The following RBFOX3 variants were observed in gnomAD, a reference collection of about 807,000 sequenced individuals.
RBFOX3 encodes the protein RNA binding protein fox-1 homolog 3.
In RBFOX3, 17 loss-of-function variants were observed where a neutral mutation model predicts 48.7. The ratio of observed to expected loss-of-function variants is 0.35; its 90% CI spans 0.24 to 0.52. RBFOX3 has a LOEUF of 0.52. Among genes scored for constraint, RBFOX3 ranks in the 20% least tolerant of loss-of-function variants. The pLI is 0.94. For synonymous variants in RBFOX3, 212 were observed against 209.5 expected, an observed-to-expected ratio of 1.01 and a Z score of -0.10; for missense variants, 382 against 497.5, an observed-to-expected ratio of 0.77 and a Z score of 2.21.
At chr17:79,248,053 C>T (rs1048964677) in intron 3 of RBFOX3, among the ~76,000 whole-genome samples, 1 of 152,270 alleles carries the variant, frequency 6.6e-6, no homozygotes, top group Non-Finnish European at 1.5e-5. Context: ...CTGCTCAGGG[C>T]TGCAGTGAGC....
chr17:79,140,782 G>C (rs2144181105), intron 4 of RBFOX3, among the ~76,000 whole-genome samples: 1 of 152,328 alleles, frequency 6.6e-6, no homozygotes, highest in Non-Finnish European at 1.5e-5. Flanking sequence ...AACTGTGCTG[G>C]GCATGCCATC....
rs1040193648 is a variant in RBFOX3 at position 79,214,914 on chromosome 17, C to A, written c.-34+20852G>T. Among the ~76,000 whole-genome samples the A allele has an allele frequency of 6.6e-6, 1 of 152,162 alleles. No individual in the cohort carries two copies. The highest frequency in any genetic ancestry group is 1.5e-5 in the Non-Finnish European group (1 of 68,010). On this transcript the variant is annotated intron_variant, in intron 4 of 14. Transcript: ENST00000693108. The surrounding 1 kb of genome is among the most constrained non-coding windows in gnomAD (Gnocchi z 4.7). ...TGTTCTTTATTTCTCTGGCAATTACCGCTAATTTGGAGACGTTCTGCCTTG... is the reference window on the plus strand; with the variant it reads ...TGTTCTTTATTTCTCTGGCAATTACAGCTAATTTGGAGACGTTCTGCCTTG...
At chr17:79,271,970 C>T (rs943591256) in intron 3 of RBFOX3, among the ~76,000 whole-genome samples, 4 of 152,246 alleles carry the variant, frequency 2.6e-5, no homozygotes, top group Non-Finnish European at 5.9e-5. Flanking sequence ...CAGCACTGAG[C>T]TGGCCCTTCC....
intron 3 of RBFOX3, among the ~76,000 whole-genome samples, chr17:79,238,058 T>C (rs1188605062): frequency 6.6e-6 from 1 of 152,196 alleles, no homozygotes; most frequent in Non-Finnish European, 1.5e-5. Context: ...TGCCTCAGCC[T>C]CCGAAGTAGC....
At chr17:79,120,176 CTG>C (rs1296576547) in intron 4 of RBFOX3, among the ~76,000 whole-genome samples, 1 of 152,186 alleles carries the variant, frequency 6.6e-6, no homozygotes, top group Non-Finnish European at 1.5e-5. Flanking sequence ...CCCCAGGGGA[CTG>C]TACATTCTCA....
At chr17:79,339,090 T>C (rs1280119120) in intron 2 of RBFOX3, among the ~76,000 whole-genome samples, 2 of 151,920 alleles carry the variant, frequency 1.3e-5, no homozygotes, top group African/African-American at 2.4e-5. Context: ...AGTCTCACTC[T>C]GTTGCCCAGG....
rs367967408 is a variant in RBFOX3, at chr17:79,106,830, C to A, written c.223-42G>T. 7.7e-5 allele frequency: 114 copies of A among 1,477,628 alleles called. 1 individual carries two copies. In the African/African-American group the frequency reaches 1.4e-3, roughly 19 times the overall value. The allele number at this position is 1,477,628 out of a possible 1,614,324, so 91.5% of individuals were successfully genotyped here. ...GGGCTGTGGAGGCTGCCTCTGTGTG[C>A]GGGGTTGCCCATCCCCTCTGCTAAA... On this transcript the variant is annotated intron_variant, in intron 5 of 14. Coordinates refer to ENST00000693108, the MANE Select transcript of RBFOX3 (RefSeq NM_001350451.2).
At chr17:79,592,593 G>A (rs2093453433) in intron 1 of RBFOX3, among the ~76,000 whole-genome samples, 1 of 152,026 alleles carries the variant, frequency 6.6e-6, no homozygotes, top group South Asian at 2.1e-4. Flanking sequence ...GAAGGCTGGG[G>A]CAGGGAGTGG....
At chr17:79,439,675 C>T (rs1415588789) in intron 2 of RBFOX3, among the ~76,000 whole-genome samples, 2 of 152,258 alleles carry the variant, frequency 1.3e-5, no homozygotes, top group East Asian at 3.9e-4. Context: ...CAAGCATGAT[C>T]GCATGTGCAC....
intron 2 of RBFOX3, among the ~76,000 whole-genome samples, chr17:79,398,999 A>G (rs2062420252): frequency 1.3e-5 from 2 of 152,188 alleles, no homozygotes; most frequent in Non-Finnish European, 2.9e-5. Flanking sequence ...AGGAAGAGGA[A>G]AACACCGTGT....
Position 79,106,653 on chromosome 17 carries a change from C to T in RBFOX3, c.358G>A (p.Gly120Arg), listed in dbSNP as rs1000874069. 28 of 1,475,338 alleles carry T rather than the reference C, an allele frequency of 1.9e-5. No homozygotes were observed. The highest frequency in any genetic ancestry group is 1.5e-5 in the African/African-American group (1 of 67,690). The allele number at this position is 1,475,338 out of a possible 1,614,324, so 91.4% of individuals were successfully genotyped here. ...TGGGTGGGGCCGCGCACACTCACCCCGAACATTTGCCGCAAGTCGGGGTCC... is the reference window on the plus strand; with the variant it reads ...TGGGTGGGGCCGCGCACACTCACCCTGAACATTTGCCGCAAGTCGGGGTCC... ...FRDPDLRQMF[G>R]QFGKILDVEI... The change falls in exon 6 of 15, where the codon GGG becomes AGG. Residue 120 changes from glycine to arginine, a missense_variant and splice_region_variant. By Grantham distance (125) the Gly-to-Arg change is moderately radical. This residue lies in a region of RBFOX3 where 49 missense variants were observed against 110.7 expected (regional missense o/e 0.44). Transcript: ENST00000693108.
chr17:79,577,084 G>A (rs1188152576), intron 1 of RBFOX3, among the ~76,000 whole-genome samples: 6 of 152,092 alleles, frequency 3.9e-5, no homozygotes, highest in African/African-American at 1.4e-4. Flanking sequence ...GTCTCACTCT[G>A]GACTCTTCAC....
intron 1 of RBFOX3, among the ~76,000 whole-genome samples, chr17:79,609,337 C>T (rs1242509781): frequency 6.6e-6 from 1 of 152,130 alleles, no homozygotes; most frequent in African/African-American, 2.4e-5. Context: ...AAGGCGTCCC[C>T]GAGTCCAACC....
At chr17:79,157,503 T>C (rs1035474584) in intron 4 of RBFOX3, among the ~76,000 whole-genome samples, 1 of 152,218 alleles carries the variant, frequency 6.6e-6, no homozygotes, top group Non-Finnish European at 1.5e-5. Context: ...CAGCGAGAAC[T>C]GGCCGGTGCC....
chr17:79,523,685 G>A (rs1050011129), intron 1 of RBFOX3, among the ~76,000 whole-genome samples: 154 of 152,358 alleles, frequency 1.0e-3, no homozygotes, highest in African/African-American at 3.5e-3. Context: ...GGATTCCGGT[G>A]AGGGATAAGG....
intron 2 of RBFOX3, among the ~76,000 whole-genome samples, chr17:79,408,031 C>T (rs1213961643): frequency 6.6e-6 from 1 of 152,154 alleles, no homozygotes; most frequent in Non-Finnish European, 1.5e-5. Flanking sequence ...TGGAGCCCGC[C>T]AGCCCCACTT....
chr17:79,258,850 C>A (rs888000985), intron 3 of RBFOX3, among the ~76,000 whole-genome samples: 3 of 152,192 alleles, frequency 2.0e-5, no homozygotes, highest in Non-Finnish European at 4.4e-5. Flanking sequence ...GCACCTGGGC[C>A]ACCTTGTACT....
upstream of RBFOX3, among the ~76,000 whole-genome samples, chr17:79,613,637 T>C (rs2093983174): frequency 6.6e-6 from 1 of 152,158 alleles, no homozygotes; most frequent in African/African-American, 2.4e-5. Flanking sequence ...ACAGAGCTAA[T>C]TTCGTGCCCT....
rs989492136 is a variant in RBFOX3 at position 79,198,475 on chromosome 17, C to G, written c.-34+37291G>C. 9.2e-5 allele frequency among the ~76,000 whole-genome samples: 14 copies of G among 152,202 alleles called. No homozygotes were observed. Among genetic ancestry groups the G allele is most frequent in the Admixed American group, 9.2e-4 (14 of 15,286 alleles). On this transcript the variant is annotated intron_variant, in intron 4 of 14. Transcript: ENST00000693108. This position sits in a 1 kb window ranked among gnomAD's most constrained non-coding sequence, Gnocchi z 8.2. ...AGTTCACAAATGTCACCTCAGTATG[C>G]CTCACTCAAGCCTGTGGGACAGATG...
Sources: allele counts gnomAD v4.1 joint callset (sites outside exome capture counted in the v4.1 genomes callset), GRCh38; gene constraint gnomAD v4.1.1; regional missense constraint gnomAD v4.1.1; non-coding constraint Gnocchi (gnomAD v3.1); transcripts MANE v1.5; gene names NCBI Gene and HGNC (gene_info 2026-07-23, HGNC 2026-07-21).